ANXA11: variants seen among roughly 807,000 people sequenced by gnomAD.
ANXA11 encodes the protein 56 kDa autoantigen.
In ANXA11, 57 loss-of-function variants were observed where a neutral mutation model predicts 64.7. That is an observed-to-expected ratio of 0.88 (90% CI 0.71 to 1.10). ANXA11 has a LOEUF of 1.10. Among genes scored for constraint, ANXA11 ranks in the 50% least tolerant of loss-of-function variants. The pLI is 0.00. For synonymous variants in ANXA11, 260 were observed against 265.2 expected (o/e 0.98, Z 0.19); for missense variants, 675 against 670.7 (o/e 1.01, Z -0.07).
intron 1 of ANXA11, among the ~76,000 whole-genome samples, chr10:80,182,036 A>T (rs1485849887): frequency 2.0e-5 from 3 of 152,238 alleles, no homozygotes; most frequent in Admixed American, 2.0e-4. Context: ...GAAGCACCCA[A>T]GGTTACACAC....
chr10:80,182,493 G>T (rs1464007825), intron 1 of ANXA11, among the ~76,000 whole-genome samples: 1 of 152,032 alleles, frequency 6.6e-6, no homozygotes, highest in African/African-American at 2.4e-5. Context: ...ATATATAAAT[G>T]TATATGCATA....
chr10:80,203,378 G>T (rs532382996), intron 1 of ANXA11, among the ~76,000 whole-genome samples: 2 of 152,118 alleles, frequency 1.3e-5, no homozygotes, highest in African/African-American at 4.8e-5. Flanking sequence ...ATGCATAAAG[G>T]CGTCAGGTGA....
chr10:80,171,216 G>C (rs1199208746), intron 3 of ANXA11: 40 of 1,250,042 alleles, frequency 3.2e-5, no homozygotes, highest in Non-Finnish European at 3.9e-5. Context: ...GCCCTCCCAA[G>C]TTCACCATCA....
chr10:80,157,894 T>C, intron 14 of ANXA11, 73 bp downstream of exon 14: 1 of 1,597,060 alleles, frequency 6.3e-7, no homozygotes, highest in South Asian at 1.1e-5. Context: ...CCAGGCCTTC[T>C]GCCCTCAGCC....
intron 1 of ANXA11, among the ~76,000 whole-genome samples, chr10:80,183,376 T>C (rs188394112): frequency 3.3e-5 from 5 of 152,362 alleles, no homozygotes; most frequent in East Asian, 1.9e-4. Flanking sequence ...GCAACCCTTT[T>C]TGAGGTCCTT....
At chr10:80,186,357 G>A (rs898562075) in intron 1 of ANXA11, among the ~76,000 whole-genome samples, 5 of 152,148 alleles carry the variant, frequency 3.3e-5, no homozygotes, top group African/African-American at 9.7e-5. Context: ...GACAGGTGGA[G>A]GATGGGAGTG....
Position 80,169,356 on chromosome 10 carries a change from C to A in ANXA11, c.174G>T (p.Ala58=). 1 of 1,604,568 alleles carries A rather than the reference C, an allele frequency of 6.2e-7. No individual in the cohort carries two copies. ...CTCCAAATGTCCCAGACATGTTGGC[C>A]GCCTGCAAGGACACAAAGCAGAGCC... The part of the protein sequence containing the change: ...QFNQDYLSGM[A]ANMSGTFGGA... Residue 58 remains alanine, a splice_region_variant and synonymous_variant, in exon 5 of 16, where the codon GCG becomes GCT. Coordinates refer to ENST00000422982, the MANE Select transcript of ANXA11 (RefSeq NM_145868.2).
chr10:80,190,269 C>G (rs145801354), intron 1 of ANXA11, among the ~76,000 whole-genome samples: 1 of 151,116 alleles, frequency 6.6e-6, no homozygotes, highest in Admixed American at 6.6e-5. Context: ...GTAAATTTTA[C>G]GTTGTGTATA....
intron 5 of ANXA11, among the ~76,000 whole-genome samples, chr10:80,168,736 C>T (rs974957186): frequency 6.6e-6 from 1 of 152,146 alleles, no homozygotes; most frequent in Non-Finnish European, 1.5e-5. Flanking sequence ...AGGGTTTCAC[C>T]ATTTCGCCCA....
intron 2 of ANXA11, 137 bp from the exon 3 acceptor site, chr10:80,173,006 C>T (rs1278138508): frequency 9.9e-6 from 7 of 709,510 alleles, no homozygotes; most frequent in Admixed American, 2.4e-5. Flanking sequence ...CCCTGCTTGT[C>T]GCAGACCAGT....
At chr10:80,180,697 C>A (rs1374626963) in intron 1 of ANXA11, among the ~76,000 whole-genome samples, 1 of 151,390 alleles carries the variant, frequency 6.6e-6, no homozygotes, top group Non-Finnish European at 1.5e-5. Flanking sequence ...CACACACACA[C>A]AATTTATTTT....
At chr10:80,157,273 AG>A in intron 15 of ANXA11, 4 of 985,460 alleles carry the variant, frequency 4.1e-6, no homozygotes, top group Non-Finnish European at 3.6e-6. Context: ...AGCTGAGTGC[AG>A]GAAGTGCTTT....
upstream of ANXA11, chr10:80,205,551 C>G (rs1400247816): frequency 6.6e-6 from 1 of 152,044 alleles, no homozygotes; most frequent in Non-Finnish European, 1.5e-5. Flanking sequence ...GGCGCGGCTG[C>G]CCCAGGTGCC....
At chr10:80,183,731 A>G (rs1193154814) in intron 1 of ANXA11, among the ~76,000 whole-genome samples, 3 of 152,342 alleles carry the variant, frequency 2.0e-5, no homozygotes, top group East Asian at 3.9e-4. Context: ...CCCCTCCTCC[A>G]AGGGCAAAAG....
chr10:80,190,303 T>C (rs940619681), intron 1 of ANXA11, among the ~76,000 whole-genome samples: 4 of 152,210 alleles, frequency 2.6e-5, no homozygotes, highest in Non-Finnish European at 4.4e-5. Context: ...AAGAGTTGCA[T>C]GGTTTTAAGC....
intron 15 of ANXA11, chr10:80,157,211 GA>G: frequency 2.0e-6 from 2 of 985,348 alleles, no homozygotes; most frequent in African/African-American, 3.5e-5. Flanking sequence ...CAAGTGGCGT[GA>G]CCCCCAGGGC....
At position 80,166,871 on chromosome 10, in the gene ANXA11, C is replaced by T. The variant is rs772710268; in HGVS notation, c.744+19G>A. 2 of 1,586,304 alleles carry T rather than the reference C, an allele frequency of 1.3e-6. No homozygotes were observed. The highest frequency in any genetic ancestry group is 1.3e-5 in the African/African-American group (1 of 74,200). On this transcript the variant is annotated intron_variant, in intron 7 of 15. Coordinates refer to ENST00000422982, the MANE Select transcript of ANXA11 (RefSeq NM_145868.2). ...CCAGGACACGCCTCACTGTCCCGCG[C>T]CCCCACCCCGCAGCTCGCCTTGCCG...
At chr10:80,190,430 A>G (rs892673176) in intron 1 of ANXA11, among the ~76,000 whole-genome samples, 23 of 152,168 alleles carry the variant, frequency 1.5e-4, no homozygotes, top group Admixed American at 2.6e-4. Flanking sequence ...ATAGATTATA[A>G]CATCACTTTG....
intron 1 of ANXA11, among the ~76,000 whole-genome samples, chr10:80,203,058 A>C (rs1157013381): frequency 6.6e-6 from 1 of 151,604 alleles, no homozygotes; most frequent in African/African-American, 2.4e-5. Context: ...AAAAAAAAAA[A>C]AAAAAAAGAC....
Sources: allele counts gnomAD v4.1 joint callset (sites outside exome capture counted in the v4.1 genomes callset), GRCh38; gene constraint gnomAD v4.1.1; transcripts MANE v1.5; gene names NCBI Gene and HGNC (gene_info 2026-07-23, HGNC 2026-07-21).